The following CFAP54 variants were observed in gnomAD, a reference collection of about 807,000 sequenced individuals.
CFAP54 encodes cilia and flagella associated protein 54.
In CFAP54, 290 loss-of-function variants were observed where a neutral mutation model predicts 370.4. The ratio of observed to expected loss-of-function variants is 0.78; its 90% confidence interval spans 0.71 to 0.86. CFAP54 has a LOEUF of 0.86. Among genes scored for constraint, CFAP54 ranks in the 40% least tolerant of loss-of-function variants. The pLI, the probability that CFAP54 is intolerant of heterozygous loss-of-function variation, is 0.00. For missense variants in CFAP54, 3,399 were observed against 3,528.7 expected, an observed-to-expected ratio of 0.96 and a Z score of 0.93; for synonymous variants, 1,206 against 1,236.5, an observed-to-expected ratio of 0.98 and a Z score of 0.52.
At position 96,526,827 on chromosome 12, in the gene CFAP54, C is replaced by T. The variant is rs923875252; in HGVS notation, c.1159-419C>T. On this transcript the variant is annotated intron_variant, in intron 8 of 67. Coordinates refer to ENST00000524981, the MANE Select transcript of CFAP54 (RefSeq NM_001306084.2). ...AAAAGCAGGTATCTAATTGTTAGAC[C>T]AACTGCTCTCTGTTTTAGCATTGTA... Among the ~76,000 whole-genome samples, 70 of 151,116 alleles carry T rather than the reference C, an allele frequency of 4.6e-4. 1 individual carries two copies. The highest frequency in any genetic ancestry group is 1.7e-3 in the African/African-American group (69 of 41,094).
At chr12:96,601,514 A>G (rs1392976905) in intron 26 of CFAP54, among the ~76,000 whole-genome samples, 1 of 152,242 alleles carries the variant, frequency 6.6e-6, no homozygotes, top group African/African-American at 2.4e-5. Flanking sequence ...TGATTGGAAT[A>G]GTTTCAGAAA....
At chr12:96,694,329 C>T (rs1248740028) in intron 45 of CFAP54, among the ~76,000 whole-genome samples, 2 of 152,108 alleles carry the variant, frequency 1.3e-5, no homozygotes, top group African/African-American at 2.4e-5. Flanking sequence ...GTGGGAAGCA[C>T]CTTGTTCTCT....
intron 25 of CFAP54, among the ~76,000 whole-genome samples, chr12:96,596,484 A>G (rs528594045): frequency 1.3e-5 from 2 of 152,250 alleles, no homozygotes; most frequent in African/African-American, 4.8e-5. Context: ...GAGAATGGAC[A>G]TTTTTACTAA....
At chr12:96,568,416 T>C (rs1955883068) in intron 19 of CFAP54, among the ~76,000 whole-genome samples, 1 of 152,154 alleles carries the variant, frequency 6.6e-6, no homozygotes, top group Non-Finnish European at 1.5e-5. Context: ...CGAATATTTA[T>C]TTAGAAGTCC....
chr12:96,728,942 C>T (rs1311380505), intron 50 of CFAP54, among the ~76,000 whole-genome samples: 1 of 152,346 alleles, frequency 6.6e-6, no homozygotes, highest in South Asian at 2.1e-4. Flanking sequence ...TAGAGGTCCA[C>T]TCCAGACCCT....
intron 50 of CFAP54, among the ~76,000 whole-genome samples, chr12:96,733,631 A>G (rs1957948798): frequency 6.7e-6 from 1 of 149,240 alleles, no homozygotes; most frequent in African/African-American, 2.5e-5. Flanking sequence ...GGGCCTTTTA[A>G]TTTTGTGTCA....
At chr12:96,521,503 CGTGTGTGT>C (rs10554608) in intron 6 of CFAP54, among the ~76,000 whole-genome samples, 478 of 129,676 alleles carry the variant, frequency 3.7e-3, no homozygotes, top group African/African-American at 5.7e-3. Flanking sequence ...CAACTGAGGA[CGTGTGTGT>C]GTGTGTGTGT....
At chr12:96,658,170 A>G (rs1205685692) in intron 37 of CFAP54, 41 bp from the exon 38 acceptor site, 8 of 1,586,892 alleles carry the variant, frequency 5.0e-6, no homozygotes, top group Non-Finnish European at 6.8e-6. Flanking sequence ...AAGTCTTTTA[A>G]CTAATGTTTT....
chr12:96,867,235 T>C (rs1448373262), intron 67 of CFAP54, among the ~76,000 whole-genome samples: 1 of 152,182 alleles, frequency 6.6e-6, no homozygotes, highest in Non-Finnish European at 1.5e-5. Flanking sequence ...ATAGATCTTA[T>C]TCATTAGTCT....
chr12:96,552,335 A>G (rs1955703802), intron 15 of CFAP54, among the ~76,000 whole-genome samples: 1 of 151,630 alleles, frequency 6.6e-6, no homozygotes, highest in Non-Finnish European at 1.5e-5. Context: ...ATATTTAGTA[A>G]TAATAATCTT....
intron 1 of CFAP54, among the ~76,000 whole-genome samples, chr12:96,495,083 A>T (rs892137179): frequency 3.3e-5 from 5 of 152,232 alleles, no homozygotes; most frequent in Admixed American, 2.6e-4. Context: ...GGAAACTTCC[A>T]TAAGCATACA....
At chr12:96,502,033 C>T (rs938889952) in intron 2 of CFAP54, among the ~76,000 whole-genome samples, 4 of 152,060 alleles carry the variant, frequency 2.6e-5, no homozygotes, top group African/African-American at 9.7e-5. Flanking sequence ...GTATAAGAAG[C>T]TGGTAATACA....
chr12:96,682,720 T>C (rs756690164), intron 40 of CFAP54, among the ~76,000 whole-genome samples: 8 of 152,136 alleles, frequency 5.3e-5, no homozygotes, highest in Non-Finnish European at 7.3e-5. Flanking sequence ...TGAGATTGCA[T>C]CTGGTCCTGA....
intron 66 of CFAP54, among the ~76,000 whole-genome samples, chr12:96,859,167 C>T (rs1959797134): frequency 6.6e-6 from 1 of 151,772 alleles, no homozygotes; most frequent in African/African-American, 2.4e-5. Flanking sequence ...AAGGCTTCCT[C>T]TTCAATAAAT....
rs1160288389 is a variant in CFAP54 at position 96,860,816 on chromosome 12, C to T, written c.9172-3C>T. On this transcript the variant is annotated splice_polypyrimidine_tract_variant and splice_region_variant and intron_variant, in intron 66 of 67. Coordinates refer to ENST00000524981, the MANE Select transcript of CFAP54 (RefSeq NM_001306084.2). ...TCATGAACACTTTTATGTTTTTCCT[C>T]AGGTCCCATTTGATATCTCACTGCC... 3.9e-6 allele frequency: 6 copies of T among 1,526,110 alleles called. No homozygotes were observed. The highest frequency in any genetic ancestry group is 1.7e-4 in the Middle Eastern group (1 of 5,944). The allele number at this position is 1,526,110 out of a possible 1,614,324, so 94.5% of individuals were successfully genotyped here.
Position 96,592,508 on chromosome 12 carries a change from G to A in CFAP54, c.3231G>A (p.Leu1077=), listed in dbSNP as rs577028628. The A allele has an allele frequency of 7.3e-4, 496 of 682,326 alleles. 1 individual carries two copies. The Middle Eastern group carries it at 8.8e-3, about 12-fold the overall frequency. 42.3% of individuals were successfully genotyped at this position (682,326 alleles called of 1,614,324 possible). Residue 1077 remains leucine (L), a synonymous_variant, in exon 24 of 68, where the codon TTG becomes TTA. Transcript: ENST00000524981. The part of the protein sequence containing the change: ...ITQRRLHSDI[L]AETSSILLYL... The stretch of plus-strand genomic sequence containing the variant: ...ATTGCAGATTACATTCAGATATTTT[G>A]GCAGAGACTTCTTCAATCCTCTTGT...
chr12:96,608,308 TACACAC>T (rs5800256), intron 26 of CFAP54, among the ~76,000 whole-genome samples: 7,558 of 150,548 alleles, frequency 0.05, 243 homozygotes, highest in African/African-American at 0.087. Flanking sequence ...CATATATATA[TACACAC>T]ACACACACAC....
chr12:96,622,017 G>A (rs1216054599), intron 27 of CFAP54, among the ~76,000 whole-genome samples: 2 of 149,754 alleles, frequency 1.3e-5, no homozygotes, highest in Non-Finnish European at 3.0e-5. Flanking sequence ...ACACCCAGTT[G>A]GACACTGGAC....
At chr12:96,661,454 A>G (rs1266608004) in intron 38 of CFAP54, among the ~76,000 whole-genome samples, 3 of 152,312 alleles carry the variant, frequency 2.0e-5, no homozygotes, top group Non-Finnish European at 4.4e-5. Context: ...GAGGCCAGCT[A>G]AGCAAGCTTC....
Sources: allele counts gnomAD v4.1 joint callset (sites outside exome capture counted in the v4.1 genomes callset), GRCh38; gene constraint gnomAD v4.1.1; transcripts MANE v1.5; gene names NCBI Gene and HGNC (gene_info 2026-07-23, HGNC 2026-07-21).